TBC1D9: variants seen among roughly 807,000 people sequenced by gnomAD.
The protein encoded by TBC1D9 is TBC1 domain family member 9.
Under a neutral mutation model 132.0 loss-of-function variants are expected in TBC1D9, and 63 were observed. The observed-to-expected ratio is 0.48, with a 90% CI of 0.39 to 0.59. The LOEUF (loss-of-function observed/expected upper bound fraction) is 0.59, where lower values mean the gene tolerates loss of function less well. TBC1D9 is among the 20% of genes least tolerant of loss of function. The pLI, the probability that TBC1D9 is intolerant of heterozygous loss-of-function variation, is 0.00. For missense variants in TBC1D9, 1,261 were observed against 1,592.7 expected (o/e 0.79, Z 3.54); for synonymous variants, 610 against 609.9 (o/e 1.00, Z 0.00).
At chr4:140,678,290 G>C (rs1335988063) in intron 5 of TBC1D9, among the ~76,000 whole-genome samples, 1 of 152,144 alleles carries the variant, frequency 6.6e-6, no homozygotes, top group East Asian at 1.9e-4. Flanking sequence ...TGAGCTACAG[G>C]CACCTCAATT....
chr4:140,707,234 T>G (rs892632918), intron 1 of TBC1D9, among the ~76,000 whole-genome samples: 6 of 151,824 alleles, frequency 4.0e-5, no homozygotes, highest in African/African-American at 7.2e-5. Flanking sequence ...TTATTGGCCA[T>G]TCCAATTTCC....
At chr4:140,692,981 C>T (rs939670392) in intron 2 of TBC1D9, among the ~76,000 whole-genome samples, 1 of 151,980 alleles carries the variant, frequency 6.6e-6, no homozygotes, top group African/African-American at 2.4e-5. Flanking sequence ...GATTGTGCTA[C>T]TGCACTCCAG....
At chr4:140,698,043 G>T (rs1738002571) in intron 2 of TBC1D9, among the ~76,000 whole-genome samples, 1 of 152,166 alleles carries the variant, frequency 6.6e-6, no homozygotes, top group African/African-American at 2.4e-5. Flanking sequence ...GGGGTTTGGT[G>T]GCTCTCCCTA....
chr4:140,737,261 T>C (rs995985428), intron 1 of TBC1D9, among the ~76,000 whole-genome samples: 1 of 151,992 alleles, frequency 6.6e-6, no homozygotes, highest in Non-Finnish European at 1.5e-5. Flanking sequence ...AGAATCCTAG[T>C]GAGGGGCCCC....
rs962739018 is a variant in TBC1D9 at position 140,621,232 on chromosome 4, G to T, written c.*963C>A. 4 of 152,514 alleles carry T rather than the reference G, an allele frequency of 2.6e-5. No homozygotes were observed. Among genetic ancestry groups the T allele is most frequent in the African/African-American group, 9.7e-5 (4 of 41,412 alleles). 9.4% of individuals were successfully genotyped at this position (152,514 alleles called of 1,614,324 possible). A position where few individuals can be genotyped will look rare whatever the true frequency, so the allele number is the denominator to read the frequency against. Reference sequence around the variant, plus strand: ...CTCTACATTGATTTGATGGAAAGATGGTCATATGCGATATGTGGTATAAAT... The same window carrying T: ...CTCTACATTGATTTGATGGAAAGATTGTCATATGCGATATGTGGTATAAAT... On this transcript the variant is annotated 3_prime_UTR_variant, in exon 21 of 21. Transcript: ENST00000442267.
chr4:140,709,248 T>TCTCTCACACACACACACA (rs1382500714), intron 1 of TBC1D9, among the ~76,000 whole-genome samples: 6 of 104,148 alleles, frequency 5.8e-5, no homozygotes, highest in African/African-American at 2.6e-4. Flanking sequence ...TCTCTCTCTC[T>TCTCTCACACACACACACA]CACACACACA....
chr4:140,643,057 T>G (rs1737033207), intron 13 of TBC1D9: 1 of 1,264,766 alleles, frequency 7.9e-7, no homozygotes, highest in Admixed American at 2.2e-5. Flanking sequence ...TCCTCCTTCT[T>G]GCGCATCCAG....
intron 4 of TBC1D9, 129 bp downstream of exon 4, chr4:140,679,486 T>TAA (rs144405227): frequency 7.1e-5 from 51 of 719,716 alleles, no homozygotes; most frequent in Middle Eastern, 7.0e-4. Flanking sequence ...ACTTCAGTAG[T>TAA]AAAAAAAAAT....
chr4:140,686,392 G>A lies in TBC1D9; in HGVS notation c.312C>T (p.Ile104=). The change falls in exon 3 of 21, where the codon ATC becomes ATT. Residue 104 remains isoleucine, a synonymous_variant. Transcript: ENST00000442267. ...LEQNLLQTLS[I]FENENDITTF... ...TGGTGATATCATTCTCATTTTCAAA[G>A]ATGGAGAGTGTCTGCAAGAGATTTT... 1 of 1,611,748 alleles carries A rather than the reference G, an allele frequency of 6.2e-7. No individual in the cohort carries two copies. The highest frequency in any genetic ancestry group is 8.5e-7 in the Non-Finnish European group (1 of 1,178,680).
intron 5 of TBC1D9, among the ~76,000 whole-genome samples, chr4:140,677,913 T>G (rs566886122): frequency 6.6e-6 from 1 of 152,290 alleles, no homozygotes; most frequent in Non-Finnish European, 1.5e-5. Context: ...ATCAACTTTC[T>G]TATAACTATC....
intron 1 of TBC1D9, among the ~76,000 whole-genome samples, chr4:140,718,157 C>T (rs1738366911): frequency 6.6e-6 from 1 of 150,962 alleles, no homozygotes; most frequent in South Asian, 2.1e-4. Context: ...TATATAGTTT[C>T]CCCATAGTTT....
chr4:140,634,830 A>C (rs1322290121), intron 15 of TBC1D9, among the ~76,000 whole-genome samples: 1 of 152,188 alleles, frequency 6.6e-6, no homozygotes, highest in Non-Finnish European at 1.5e-5. Context: ...ACATCTGTGA[A>C]TAGCTCTAGA....
chr4:140,654,629 G>A (rs180891429), intron 13 of TBC1D9, among the ~76,000 whole-genome samples: 1 of 152,130 alleles, frequency 6.6e-6, no homozygotes, highest in African/African-American at 2.4e-5. Context: ...AAAAGCTCTT[G>A]CTTACATCAT....
At position 140,706,671 on chromosome 4, in the gene TBC1D9, A is replaced by G. The variant is rs1467114311; in HGVS notation, c.131-5057T>C. Among the ~76,000 whole-genome samples the G allele has an allele frequency of 6.6e-6, 1 of 151,982 alleles. No homozygotes were observed. The highest frequency in any genetic ancestry group is 1.5e-5 in the Non-Finnish European group (1 of 68,002). ...TCTTAAATTGTTTTGTATTCTTCCT[A>G]TCCAGGTCCTTATACTTTTACTGAG... On this transcript the variant is annotated intron_variant, in intron 1 of 20. Transcript: ENST00000442267. The surrounding 1 kb of genome is among the most constrained non-coding windows in gnomAD (Gnocchi z 4.0).
At chr4:140,678,826 T>C in intron 5 of TBC1D9, 116 bp downstream of exon 5, 5 of 1,284,722 alleles carry the variant, frequency 3.9e-6, no homozygotes, top group Admixed American at 2.2e-5. Context: ...TTTGTATCTA[T>C]ACACAGAAGA....
intron 1 of TBC1D9, among the ~76,000 whole-genome samples, chr4:140,711,139 C>G (rs1375288264): frequency 2.6e-5 from 4 of 152,132 alleles, no homozygotes; most frequent in Non-Finnish European, 5.9e-5. Flanking sequence ...TCAAAGAAGC[C>G]CCTCAAAAGG....
Position 140,669,755 on chromosome 4 carries a change from G to A in TBC1D9, c.1316C>T (p.Thr439Met), listed in dbSNP as rs780154379. ...SLVSSSPQRSTSSDADGERQF... is the reference protein window; with the variant it reads ...SLVSSSPQRSMSSDADGERQF... ...GCGCTCTCCATCAGCATCAGAGCTC[G>A]TGCTTCTCTGGGGGCTGGAGGAGAC... Residue 439 changes from threonine to methionine, a missense_variant, in exon 8 of 21, where the codon ACG (threonine) becomes ATG (methionine). By Grantham distance (81) the Thr-to-Met change is moderately conservative. Around this residue, in one of 3 missense-constraint regions of TBC1D9, gnomAD observed 550 missense variants for 699.0 expected, o/e 0.79. Coordinates refer to ENST00000442267, the MANE Select transcript of TBC1D9 (RefSeq NM_015130.3). The A allele has an allele frequency of 4.6e-5, 75 of 1,613,976 alleles. No individual in the cohort carries two copies. In the Middle Eastern group the frequency reaches 6.6e-4, roughly 14 times the overall value.
At chr4:140,710,523 T>C (rs1278053835) in intron 1 of TBC1D9, among the ~76,000 whole-genome samples, 5 of 152,210 alleles carry the variant, frequency 3.3e-5, no homozygotes, top group Non-Finnish European at 2.9e-5. Flanking sequence ...GGCTGGGTTA[T>C]GACTAAACAA....
intron 16 of TBC1D9, among the ~76,000 whole-genome samples, chr4:140,633,522 T>TA (rs1736830156): frequency 6.6e-6 from 1 of 152,204 alleles, no homozygotes; most frequent in Admixed American, 6.5e-5. Flanking sequence ...GATGCTCCTT[T>TA]ATTAAAAACA....
Sources: gnomAD v4.1 joint callset for allele counts (sites outside exome capture counted in the v4.1 genomes callset) on GRCh38, gnomAD v4.1.1 for gene constraint, gnomAD v4.1.1 regional missense constraint, Gnocchi (gnomAD v3.1) non-coding constraint, MANE v1.5 for transcripts, NCBI Gene and HGNC (gene_info 2026-07-23, HGNC 2026-07-21) for gene names.